GTPBP6: variants seen among roughly 807,000 people sequenced by gnomAD.
The protein encoded by GTPBP6 is GTP binding protein 6, also known as putative GTP-binding protein 6.
In GTPBP6, 33 loss-of-function variants were observed where a neutral mutation model predicts 28.9. That is an observed-to-expected ratio of 1.14 (90% confidence interval 0.87 to 1.53). The LOEUF (loss-of-function observed/expected upper bound fraction) is 1.53, where lower values mean the gene tolerates loss of function less well. Among genes scored for constraint, GTPBP6 ranks in the 40% most tolerant of loss-of-function variants. The pLI, the probability that GTPBP6 is intolerant of heterozygous loss-of-function variation, is 0.00. For synonymous variants in GTPBP6, 231 were observed against 192.7 expected (o/e 1.20, Z -1.65); for missense variants, 507 against 408.3 (o/e 1.24, Z -2.08).
intron 7 of GTPBP6, among the ~76,000 whole-genome samples, chrX:310,110 C>A (rs1419578033): frequency 8.2e-6 from 1 of 121,878 alleles, no homozygotes; most frequent in African/African-American, 3.1e-5. Flanking sequence ...TGAACTGTGG[C>A]CCCCCACAAA....
exon 6 of GTPBP6, chrX:312,801 A>C: frequency 6.2e-7 from 1 of 1,612,448 alleles, no homozygotes; most frequent in East Asian, 2.2e-5. Flanking sequence ...GATCACGGGG[A>C]ACTCCCGCCT....
intron 6 of GTPBP6, 163 bp from the exon 7 acceptor site, chrX:311,790 G>A (rs762781431): frequency 5.3e-5 from 34 of 640,364 alleles, no homozygotes; most frequent in South Asian, 2.7e-4. Flanking sequence ...GACCCGACGC[G>A]TGGGACAAAG....
chrX:313,678 GAC>G (rs1210066774), intron 5 of GTPBP6, among the ~76,000 whole-genome samples: 1 of 151,980 alleles, frequency 6.6e-6, no homozygotes, highest in African/African-American at 2.4e-5. Context: ...CAGAAGAGGA[GAC>G]ACAGACACAG....
At chrX:312,998 G>A in intron 5 of GTPBP6, 74 bp from the exon 6 acceptor site, 1 of 1,374,844 alleles carries the variant, frequency 7.3e-7, no homozygotes, top group Non-Finnish European at 1.0e-6. Context: ...GCCGCGGAGG[G>A]TCTGCGGGGG....
In GTPBP6 at chrX:311,966, TG is replaced by T. The variant is rs1324989025; in HGVS notation, c.917-340del. ...GATGGTGTAGGTGGGGTGGTGGTGC[TG>T]GTGTGGATGGGAGGATGGTGTAGAC... On this transcript the variant is annotated intron_variant, in intron 6 of 9. Coordinates refer to ENST00000326153, the Ensembl canonical transcript of GTPBP6. The T allele has an allele frequency of 7.2e-6, 4 of 552,500 alleles. No homozygotes were observed. The African/African-American group carries it at 7.5e-5, about 10-fold the overall frequency. The allele number at this position is 552,500 out of a possible 1,614,324, so 34.2% of individuals were successfully genotyped here.
chrX:311,426 G>C (rs1006765631), exon 7 of GTPBP6: 6 of 1,348,046 alleles, frequency 4.5e-6, no homozygotes, highest in Non-Finnish European at 5.8e-6. Flanking sequence ...CACCGAGTGG[G>C]CCACGTCTTC....
intron 2 of GTPBP6, among the ~76,000 whole-genome samples, chrX:316,258 CACACACAG>C (rs1382015982): frequency 2.8e-5 from 2 of 70,776 alleles, no homozygotes; most frequent in South Asian, 3.6e-4. Context: ...CACGCAGACA[CACACACAG>C]ACACACACAC....
chrX:314,275 G>T, intron 4 of GTPBP6, 58 bp from the exon 5 acceptor site: 1 of 1,430,386 alleles, frequency 7.0e-7, no homozygotes. Flanking sequence ...TCCCGGCAGA[G>T]GTCGAGGTGA....
rs192953320 is a variant in GTPBP6 at position 311,733 on chromosome X, G to A, written c.917-106C>T. On this transcript the variant is annotated intron_variant, in intron 6 of 9. Coordinates refer to ENST00000326153, the Ensembl canonical transcript of GTPBP6. ...AGACCACGGCACCCTCTGGGGGGCC[G>A]CACCCCGGGCTACACGGTCCCTGAG... 2,440 of 906,824 alleles carry A rather than the reference G, an allele frequency of 2.7e-3. 38 individuals are homozygous for A. In the African/African-American group the frequency reaches 0.035, roughly 13 times the overall value. The allele number at this position is 906,824 out of a possible 1,614,324, so 56.2% of individuals were successfully genotyped here. A position where few individuals can be genotyped will look rare whatever the true frequency, so the allele number is the denominator to read the frequency against.
At chrX:308,024 C>A in intron 7 of GTPBP6, 144 bp from the exon 8 acceptor site, 1 of 643,572 alleles carries the variant, frequency 1.6e-6, no homozygotes, top group Admixed American at 3.9e-5. Flanking sequence ...GCCCCTCGGA[C>A]ACCCCAGGAC....
At position 307,296 on chromosome X, in the gene GTPBP6, G is replaced by A. The variant is rs1183228274; in HGVS notation, c.1427+64C>T. ...CTCCTTGTGCACCCACGAAGAGCCCGTTTCAGAGCCAGAGACAGGCATCCA... is the reference window on the plus strand; with the variant it reads ...CTCCTTGTGCACCCACGAAGAGCCCATTTCAGAGCCAGAGACAGGCATCCA... On this transcript the variant is annotated intron_variant, in intron 9 of 9. Coordinates refer to ENST00000326153, the Ensembl canonical transcript of GTPBP6. 6 of 1,530,812 alleles carry A rather than the reference G, an allele frequency of 3.9e-6. No individual in the cohort carries two copies. The East Asian group carries it at 6.8e-5, about 17-fold the overall frequency. 94.8% of individuals were successfully genotyped at this position (1,530,812 alleles called of 1,614,324 possible).
intron 7 of GTPBP6, among the ~76,000 whole-genome samples, chrX:308,653 C>A (rs1438842316): frequency 2.0e-5 from 3 of 151,458 alleles, no homozygotes; most frequent in African/African-American, 4.9e-5. Context: ...GCGGTTCAGT[C>A]TGGGTGACAG....
intron 5 of GTPBP6, among the ~76,000 whole-genome samples, chrX:313,630 C>T (rs994601159): frequency 1.7e-4 from 26 of 152,102 alleles, no homozygotes; most frequent in African/African-American, 4.3e-4. Context: ...TGGATTAGGG[C>T]GGGCCATAAA....
At position 313,951 on chromosome X, in the gene GTPBP6, C is replaced by CAGG. The variant is rs376062005; in HGVS notation, c.757+198_757+199insCCT. ...CATCTCCTATCTCCTCAAATGCTAC[C>CAGG]AGACGGAGCCCCCAGCCAGCCCCCA... On this transcript the variant is annotated intron_variant, in intron 5 of 9. Coordinates refer to ENST00000326153, the Ensembl canonical transcript of GTPBP6. Among the ~76,000 whole-genome samples, 146 of 67,556 alleles carry CAGG rather than the reference C, an allele frequency of 2.2e-3. 2 individuals are homozygous for CAGG. Among genetic ancestry groups the CAGG allele is most frequent in the South Asian group, 6.1e-3 (18 of 2,942 alleles). 44.3% of individuals were successfully genotyped at this position (67,556 alleles called of 152,430 possible).
At chrX:305,499 T>C (rs768431570) in intron 9 of GTPBP6, among the ~76,000 whole-genome samples, 96 of 151,422 alleles carry the variant, frequency 6.3e-4, no homozygotes, top group Non-Finnish European at 1.1e-3. Flanking sequence ...TTTTTTGTGT[T>C]TTTAGTAGAG....
At chrX:311,859 G>A in intron 6 of GTPBP6, 1 of 604,434 alleles carries the variant, frequency 1.7e-6, no homozygotes, top group Non-Finnish European at 2.9e-6. Flanking sequence ...CGGGGGAGAT[G>A]GTGGTGTGGA....
chrX:310,577 G>A (rs1234686291), intron 7 of GTPBP6, among the ~76,000 whole-genome samples: 16 of 138,200 alleles, frequency 1.2e-4, no homozygotes, highest in Admixed American at 1.4e-4. Flanking sequence ...GGATTAGGGT[G>A]GACCCTAAAT....
intron 7 of GTPBP6, among the ~76,000 whole-genome samples, chrX:308,283 A>G (rs948394722): frequency 1.8e-4 from 27 of 152,158 alleles, no homozygotes; most frequent in Admixed American, 1.6e-3. Context: ...CTCACGTTCA[A>G]AAAAAATCTT....
intron 7 of GTPBP6, among the ~76,000 whole-genome samples, chrX:308,458 G>A (rs2070218977): frequency 6.6e-6 from 1 of 152,092 alleles, no homozygotes; most frequent in South Asian, 2.1e-4. Flanking sequence ...ACTTTGGGAG[G>A]TGGCTTGAGC....
Sources: gnomAD v4.1 joint callset for allele counts (sites outside exome capture counted in the v4.1 genomes callset) on GRCh38, gnomAD v4.1.1 for gene constraint, MANE v1.5 for transcripts, NCBI Gene and HGNC (gene_info 2026-07-23, HGNC 2026-07-21) for gene names.